F13A1: variants seen among roughly 807,000 people sequenced by gnomAD.
F13A1 encodes the protein coagulation factor XIII A chain.
Under a neutral mutation model 80.1 loss-of-function variants are expected in F13A1, and 47 were observed. The observed-to-expected ratio is 0.59, with a 90% confidence interval of 0.46 to 0.75. F13A1 has a LOEUF of 0.75. Ranked by LOEUF, F13A1 falls within the 30% of genes least tolerant of loss-of-function variation. F13A1 has a pLI of 0.00. For synonymous variants in F13A1, 349 were observed against 344.9 expected (o/e 1.01, Z -0.13); for missense variants, 817 against 930.4 (o/e 0.88, Z 1.59).
intron 3 of F13A1, among the ~76,000 whole-genome samples, chr6:6,285,370 A>T (rs952269699): frequency 1.3e-5 from 2 of 152,284 alleles, no homozygotes; most frequent in African/African-American, 4.8e-5. Context: ...ACATGGGACA[A>T]GATGTTATAG....
intron 7 of F13A1, among the ~76,000 whole-genome samples, chr6:6,222,734 C>T (rs1308021210): frequency 6.6e-6 from 1 of 152,204 alleles, no homozygotes; most frequent in Non-Finnish European, 1.5e-5. Flanking sequence ...CCTCCCAGGA[C>T]ACCAGACATC....
intron 6 of F13A1, among the ~76,000 whole-genome samples, chr6:6,226,877 G>A (rs1265517653): frequency 6.6e-6 from 1 of 152,160 alleles, no homozygotes; most frequent in African/African-American, 2.4e-5. Context: ...GAGGTAGAGT[G>A]GGAACCTGAG....
chr6:6,263,687 T>C (rs1032009118), intron 4 of F13A1, among the ~76,000 whole-genome samples: 3 of 152,214 alleles, frequency 2.0e-5, no homozygotes, highest in African/African-American at 7.2e-5. Context: ...TGAATGTAAC[T>C]CTTAGCTTCA....
chr6:6,234,667 C>A (rs1757392982), intron 6 of F13A1, among the ~76,000 whole-genome samples: 1 of 151,694 alleles, frequency 6.6e-6, no homozygotes, highest in African/African-American at 2.4e-5. Context: ...TAATTGATAC[C>A]ATCTAACATT....
intron 6 of F13A1, among the ~76,000 whole-genome samples, chr6:6,239,786 G>A (rs1757462039): frequency 6.6e-6 from 1 of 152,142 alleles, no homozygotes; most frequent in East Asian, 1.9e-4. Flanking sequence ...CTGCTGCATG[G>A]TGTAGAGCTG....
At chr6:6,189,889 A>G (rs181371211) in intron 10 of F13A1, among the ~76,000 whole-genome samples, 1 of 152,246 alleles carries the variant, frequency 6.6e-6, no homozygotes, top group East Asian at 1.9e-4. Flanking sequence ...GTCTTTTCAC[A>G]TAGTCCCATA....
intron 8 of F13A1, among the ~76,000 whole-genome samples, chr6:6,203,477 G>A (rs1561653320): frequency 6.6e-6 from 1 of 152,218 alleles, no homozygotes; most frequent in East Asian, 1.9e-4. Flanking sequence ...GCAAGTCAGG[G>A]ATTCAAAGCA....
chr6:6,236,528 T>C (rs547495341), intron 6 of F13A1, among the ~76,000 whole-genome samples: 2 of 152,274 alleles, frequency 1.3e-5, no homozygotes, highest in East Asian at 3.9e-4. Context: ...TTCTTGATTC[T>C]TCAATTTCCT....
At chr6:6,193,805 C>G (rs7755513) in intron 10 of F13A1, among the ~76,000 whole-genome samples, 23,400 of 152,114 alleles carry the variant, frequency 0.15, 1,926 homozygotes, top group Middle Eastern at 0.23. Flanking sequence ...GTGATCTCCT[C>G]ATTAGGGGCT....
rs76451285 is a variant in F13A1, at chr6:6,197,255, G to A, written c.1184C>T (p.Ala395Val). 1,380 of 1,614,186 alleles carry A rather than the reference G, an allele frequency of 8.5e-4. 42 individuals are homozygous for A. In the East Asian group the frequency reaches 0.03, roughly 36 times the overall value. ...ATTTTCCTGGGGGGTGCTGTCCACA[G>A]CTTGCCAGCCTCCAAATCCAACAGG... The part of the protein sequence containing the change: ...DLPVGFGGWQ[A>V]VDSTPQENSD... Residue 395 changes from alanine (A) to valine (V), a missense_variant, in exon 9 of 15, where the codon GCT (alanine) becomes GTT (valine). Coordinates refer to ENST00000264870, the MANE Select transcript of F13A1 (RefSeq NM_000129.4).
At chr6:6,177,820 G>A (rs1760908979) in intron 11 of F13A1, among the ~76,000 whole-genome samples, 6 of 152,220 alleles carry the variant, frequency 3.9e-5, no homozygotes, top group Admixed American at 3.9e-4. Context: ...AGTGCATGGG[G>A]AAAGGAAGGG....
Position 6,274,718 on chromosome 6 carries a change from C to T in F13A1, c.320-7909G>A, listed in dbSNP as rs115242883. On this transcript the variant is annotated intron_variant, in intron 3 of 14. Transcript: ENST00000264870. The stretch of plus-strand genomic sequence containing the variant: ...AGCCTCTTCCTGGGACTACTGGTCA[C>T]GAGGAACACAGTGTGGAAACCCAGA... 4.7e-3 allele frequency among the ~76,000 whole-genome samples: 719 copies of T among 152,242 alleles called. 3 individuals carry two copies. The highest frequency in any genetic ancestry group is 0.016 in the African/African-American group (656 of 41,522).
chr6:6,293,651 TC>T (rs1758264957), intron 3 of F13A1, among the ~76,000 whole-genome samples: 1 of 151,708 alleles, frequency 6.6e-6, no homozygotes, highest in Non-Finnish European at 1.5e-5. Context: ...GCTCACCTTC[TC>T]TACTCAGAGC....
chr6:6,200,011 A>G (rs1039938785), intron 8 of F13A1, among the ~76,000 whole-genome samples: 1 of 152,184 alleles, frequency 6.6e-6, no homozygotes, highest in Non-Finnish European at 1.5e-5. Flanking sequence ...CTGTGAATAA[A>G]AAAGGAAGAG....
At chr6:6,259,851 C>T (rs1048728447) in intron 4 of F13A1, among the ~76,000 whole-genome samples, 3 of 152,174 alleles carry the variant, frequency 2.0e-5, no homozygotes, top group African/African-American at 7.2e-5. Flanking sequence ...GTAACTGATG[C>T]CCAATCAAAA....
intron 10 of F13A1, among the ~76,000 whole-genome samples, chr6:6,184,533 T>C (rs1473379804): frequency 6.6e-6 from 1 of 152,230 alleles, no homozygotes; most frequent in Non-Finnish European, 1.5e-5. Context: ...AGCAGATACC[T>C]GTGGAATATT....
At chr6:6,217,995 A>G (rs1757129038) in intron 8 of F13A1, among the ~76,000 whole-genome samples, 1 of 151,582 alleles carries the variant, frequency 6.6e-6, no homozygotes, top group Admixed American at 6.6e-5. Flanking sequence ...ATGCTGACAA[A>G]ACAACAAAAA....
intron 8 of F13A1, among the ~76,000 whole-genome samples, chr6:6,210,004 T>A (rs943960365): frequency 5.3e-5 from 8 of 151,852 alleles, no homozygotes; most frequent in Non-Finnish European, 8.8e-5. Context: ...GGCAGGAGAA[T>A]CTCTTGAGGC....
chr6:6,276,946 C>T (rs1165675943), intron 3 of F13A1, among the ~76,000 whole-genome samples: 1 of 152,138 alleles, frequency 6.6e-6, no homozygotes, highest in Non-Finnish European at 1.5e-5. Flanking sequence ...CCACTCCCAA[C>T]CAACTGTACA....
Sources: allele counts gnomAD v4.1 joint callset (sites outside exome capture counted in the v4.1 genomes callset), GRCh38; gene constraint gnomAD v4.1.1; transcripts MANE v1.5; gene names NCBI Gene and HGNC (gene_info 2026-07-23, HGNC 2026-07-21).